TBC1D5: variants seen among roughly 807,000 people sequenced by gnomAD.
TBC1D5 encodes TBC1 domain family, member 5.
TBC1D5 carries 75 observed loss-of-function variants against 100.3 expected under a neutral mutation model. That is an observed-to-expected ratio of 0.75 (90% confidence interval 0.62 to 0.91). TBC1D5 has a LOEUF of 0.91. TBC1D5 is among the 40% of genes least tolerant of loss of function. The probability of loss-of-function intolerance (pLI) is 0.00; values close to 1 mark genes in which losing one functional copy is unlikely to be tolerated. For missense variants in TBC1D5, 910 were observed against 942.4 expected (o/e 0.97, Z 0.45); for synonymous variants, 323 against 325.6 (o/e 0.99, Z 0.09).
chr3:17,461,153 A>C (rs2095200694), intron 3 of TBC1D5, among the ~76,000 whole-genome samples: 1 of 152,226 alleles, frequency 6.6e-6, no homozygotes, highest in Non-Finnish European at 1.5e-5. Context: ...AAGTCAGTAT[A>C]ATTAGGTAGT....
At chr3:17,196,957 G>A (rs1464613472) in intron 18 of TBC1D5, among the ~76,000 whole-genome samples, 1 of 152,158 alleles carries the variant, frequency 6.6e-6, no homozygotes, top group African/African-American at 2.4e-5. Flanking sequence ...AAGAAATAAT[G>A]GGTGAATGCA....
chr3:17,658,927 G>C (rs1046904062), intron 1 of TBC1D5, among the ~76,000 whole-genome samples: 3 of 152,108 alleles, frequency 2.0e-5, no homozygotes, highest in African/African-American at 7.2e-5. Flanking sequence ...CAAACTGCTG[G>C]GATTACAGGT....
chr3:17,492,328 G>C (rs899459208), intron 3 of TBC1D5, among the ~76,000 whole-genome samples: 2 of 152,050 alleles, frequency 1.3e-5, no homozygotes, highest in African/African-American at 4.8e-5. Context: ...CATTCTGGTA[G>C]CTTTGGGGTT....
intron 9 of TBC1D5, among the ~76,000 whole-genome samples, chr3:17,382,157 A>G (rs542407178): frequency 6.6e-6 from 1 of 152,254 alleles, no homozygotes; most frequent in Non-Finnish European, 1.5e-5. Flanking sequence ...AACTACCAAC[A>G]TGAACCTTTG....
chr3:17,572,358 C>G (rs1004999151), intron 2 of TBC1D5, among the ~76,000 whole-genome samples: 1 of 151,802 alleles, frequency 6.6e-6, no homozygotes, highest in African/African-American at 2.4e-5. Flanking sequence ...ACTAGGAAGT[C>G]CAAACCTTTT....
intron 18 of TBC1D5, among the ~76,000 whole-genome samples, chr3:17,208,546 A>G (rs1005574572): frequency 6.6e-6 from 1 of 152,232 alleles, no homozygotes; most frequent in African/African-American, 2.4e-5. Context: ...TACTTGGAAA[A>G]CCATGAGCTT....
At chr3:17,698,013 G>A (rs2072427288) in intron 1 of TBC1D5, among the ~76,000 whole-genome samples, 2 of 151,874 alleles carry the variant, frequency 1.3e-5, no homozygotes, top group East Asian at 1.9e-4. Context: ...AGCTACCAAT[G>A]ACTTTCTTCA....
At chr3:17,577,620 GGTAA>G (rs1274132171) in intron 2 of TBC1D5, among the ~76,000 whole-genome samples, 3 of 151,772 alleles carry the variant, frequency 2.0e-5, no homozygotes, top group Admixed American at 6.6e-5. Flanking sequence ...GGAATAGGTA[GGTAA>G]GTATCATAAA....
chr3:17,457,645 A>G (rs2095118274), intron 3 of TBC1D5, among the ~76,000 whole-genome samples: 1 of 151,992 alleles, frequency 6.6e-6, no homozygotes, highest in Non-Finnish European at 1.5e-5. Flanking sequence ...GTTCCACCAT[A>G]TATGTCATAT....
At chr3:17,525,368 T>C (rs1197432605) in intron 2 of TBC1D5, among the ~76,000 whole-genome samples, 2 of 152,152 alleles carry the variant, frequency 1.3e-5, no homozygotes, top group Admixed American at 6.5e-5. Flanking sequence ...TGATGTCAGG[T>C]GATCTACCTG....
chr3:17,548,898 C>T (rs1204369044), intron 2 of TBC1D5, among the ~76,000 whole-genome samples: 1 of 152,196 alleles, frequency 6.6e-6, no homozygotes, highest in Non-Finnish European at 1.5e-5. Context: ...GGAGGTAGCA[C>T]TCTCCAAATA....
chr3:17,397,687 G>C (rs2093544958), intron 8 of TBC1D5, among the ~76,000 whole-genome samples: 1 of 152,136 alleles, frequency 6.6e-6, no homozygotes, highest in Non-Finnish European at 1.5e-5. Context: ...CAAGAAAGCT[G>C]CATCTTTAAA....
At chr3:17,706,297 A>C in intron 1 of TBC1D5, 3 of 1,530,996 alleles carry the variant, frequency 2.0e-6, no homozygotes, top group Non-Finnish European at 2.6e-6. Flanking sequence ...AGAGGGTCTC[A>C]CCTTTTCTGT....
At chr3:17,371,279 C>T (rs2092444132) in intron 13 of TBC1D5, among the ~76,000 whole-genome samples, 1 of 152,106 alleles carries the variant, frequency 6.6e-6, no homozygotes, top group African/African-American at 2.4e-5. Flanking sequence ...ATGGAAAGAA[C>T]ATGAATATTT....
chr3:17,453,176 G>A (rs919520292), intron 3 of TBC1D5, among the ~76,000 whole-genome samples: 15 of 150,794 alleles, frequency 9.9e-5, no homozygotes, highest in Non-Finnish European at 1.8e-4. Context: ...GTAGTAAGAG[G>A]GAAATTTATA....
At chr3:17,647,740 C>G (rs1343139502) in intron 1 of TBC1D5, among the ~76,000 whole-genome samples, 1 of 152,004 alleles carries the variant, frequency 6.6e-6, no homozygotes, top group Non-Finnish European at 1.5e-5. Flanking sequence ...AAATAATGAG[C>G]AAAATAAGGA....
At position 17,314,799 on chromosome 3, in the gene TBC1D5, A is replaced by AT. The variant is rs149695689; in HGVS notation, c.996-6666dup. 3.0e-3 allele frequency among the ~76,000 whole-genome samples: 458 copies of AT among 152,334 alleles called. 2 individuals are homozygous for AT. The highest frequency in any genetic ancestry group is 0.011 in the African/African-American group (448 of 41,578). On this transcript the variant is annotated intron_variant, in intron 13 of 21. Coordinates refer to ENST00000253692, the Ensembl canonical transcript of TBC1D5. ...AAAATCTACCATGCATTCATGTAAAATGTTACTCCATGAGGAGAGAAAAAG... is the reference window on the plus strand; with the variant it reads ...AAAATCTACCATGCATTCATGTAAAATTGTTACTCCATGAGGAGAGAAAAAG...
intron 1 of TBC1D5, among the ~76,000 whole-genome samples, chr3:17,693,766 T>C (rs1218482197): frequency 6.6e-6 from 1 of 152,186 alleles, no homozygotes. Flanking sequence ...TGAGAATGGA[T>C]GGACTGCCTC....
intron 13 of TBC1D5, among the ~76,000 whole-genome samples, chr3:17,320,293 G>GCAT (rs1340745468): frequency 7.2e-5 from 11 of 152,314 alleles, no homozygotes; most frequent in African/African-American, 2.4e-4. Context: ...AGCAGCATCA[G>GCAT]CATCACATGA....
Sources: allele counts gnomAD v4.1 joint callset (sites outside exome capture counted in the v4.1 genomes callset), GRCh38; gene constraint gnomAD v4.1.1; transcripts MANE v1.5; gene names NCBI Gene and HGNC (gene_info 2026-07-23, HGNC 2026-07-21).